The following BMPR1B variants were observed in gnomAD, a reference collection of about 807,000 sequenced individuals.
BMPR1B encodes the protein bone morphogenetic protein receptor type 1B.
Under a neutral mutation model 59.1 loss-of-function variants are expected in BMPR1B, and 12 were observed. That is an observed-to-expected ratio of 0.20 (90% CI 0.13 to 0.33). BMPR1B has a LOEUF of 0.33. Ranked by LOEUF, BMPR1B falls within the 10% of genes least tolerant of loss-of-function variation. The pLI is 1.00. For synonymous variants in BMPR1B, 237 were observed against 207.3 expected (o/e 1.14, Z -1.23); for missense variants, 550 against 610.9 (o/e 0.90, Z 1.05).
intron 1 of BMPR1B, among the ~76,000 whole-genome samples, chr4:94,798,755 A>G (rs1723286801): frequency 6.6e-6 from 1 of 152,062 alleles, no homozygotes; most frequent in Non-Finnish European, 1.5e-5. Context: ...GGAGAGATTG[A>G]GAGTTGCAGA....
intron 2 of BMPR1B, among the ~76,000 whole-genome samples, chr4:94,908,921 G>A (rs999313301): frequency 2.0e-5 from 3 of 152,024 alleles, no homozygotes; most frequent in African/African-American, 7.2e-5. Context: ...TAAAACAACA[G>A]AAAATAATTT....
intron 1 of BMPR1B, among the ~76,000 whole-genome samples, chr4:94,773,216 A>T (rs971635467): frequency 5.3e-5 from 8 of 152,148 alleles, no homozygotes; most frequent in Non-Finnish European, 1.2e-4. Flanking sequence ...GATCACTTAA[A>T]ATGGAATATT....
chr4:94,945,314 G>T (rs1729666844), intron 2 of BMPR1B, among the ~76,000 whole-genome samples: 2 of 152,052 alleles, frequency 1.3e-5, no homozygotes, highest in African/African-American at 4.8e-5. Flanking sequence ...GGTCCTTGAA[G>T]GTAAAAAATA....
intron 8 of BMPR1B, among the ~76,000 whole-genome samples, chr4:95,128,128 C>T (rs111935886): frequency 0.038 from 5,810 of 152,096 alleles, 164 homozygotes; most frequent in Middle Eastern, 0.099. Context: ...TCAAGGGATC[C>T]TCCCTCCACA....
chr4:95,150,300 T>C (rs183077858), intron 11 of BMPR1B, among the ~76,000 whole-genome samples: 224 of 152,308 alleles, frequency 1.5e-3, no homozygotes, highest in African/African-American at 5.2e-3. Context: ...ATTTAACAAA[T>C]TGTCTATGCC....
chr4:95,143,669 A>G (rs1001912415), intron 10 of BMPR1B, among the ~76,000 whole-genome samples: 3 of 152,322 alleles, frequency 2.0e-5, no homozygotes, highest in Admixed American at 6.5e-5. Flanking sequence ...TTGGTCAGAA[A>G]TATGAACTTG....
chr4:95,097,335 A>G (rs1730504542), intron 3 of BMPR1B, among the ~76,000 whole-genome samples: 1 of 151,556 alleles, frequency 6.6e-6, no homozygotes, highest in Non-Finnish European at 1.5e-5. Flanking sequence ...TTGATATAGT[A>G]TTTATTCCTG....
intron 3 of BMPR1B, among the ~76,000 whole-genome samples, chr4:95,035,391 C>T (rs1725168340): frequency 6.6e-6 from 1 of 152,024 alleles, no homozygotes; most frequent in Non-Finnish European, 1.5e-5. Context: ...ATGTTATATT[C>T]TAGAATTTTT....
At chr4:95,049,439 T>TGCCG (rs1726287002) in intron 3 of BMPR1B, among the ~76,000 whole-genome samples, 1 of 18,808 alleles carries the variant, frequency 5.3e-5, no homozygotes, top group Non-Finnish European at 1.6e-4. Flanking sequence ...TTTTTTTTTT[T>TGCCG]TTTTTTTTTT....
chr4:94,982,155 T>C (rs933148760), intron 2 of BMPR1B, among the ~76,000 whole-genome samples: 1 of 152,202 alleles, frequency 6.6e-6, no homozygotes, highest in Non-Finnish European at 1.5e-5. Flanking sequence ...ATGGATTTAA[T>C]TGTGTTGGGT....
chr4:94,843,637 T>C (rs1725188156), intron 1 of BMPR1B, among the ~76,000 whole-genome samples: 1 of 151,634 alleles, frequency 6.6e-6, no homozygotes, highest in Non-Finnish European at 1.5e-5. Flanking sequence ...TTGGTTATTA[T>C]TGTATGTGTT....
At chr4:94,817,515 CT>C (rs1005006223) in intron 1 of BMPR1B, among the ~76,000 whole-genome samples, 18 of 148,918 alleles carry the variant, frequency 1.2e-4, no homozygotes, top group Admixed American at 2.7e-4. Context: ...TTAGAGCCTC[CT>C]TTTTTTTTTC....
At position 95,022,054 on chromosome 4, in the gene BMPR1B, C is replaced by T. The variant is rs566966965; in HGVS notation, c.-18+25920C>T. On this transcript the variant is annotated intron_variant, in intron 3 of 12. Transcript: ENST00000515059. Reference sequence around the variant, plus strand: ...TTTGGGAGAGAAGAAATAGGACGGGCGCAGTGGCTAGCAGAGCTGCAGAAG... The same window carrying T: ...TTTGGGAGAGAAGAAATAGGACGGGTGCAGTGGCTAGCAGAGCTGCAGAAG... 3.9e-5 allele frequency among the ~76,000 whole-genome samples: 6 copies of T among 152,088 alleles called. No homozygotes were observed. In the South Asian group the frequency reaches 6.2e-4, roughly 16 times the overall value.
intron 3 of BMPR1B, among the ~76,000 whole-genome samples, chr4:95,082,076 G>C (rs1179197974): frequency 2.0e-5 from 3 of 150,814 alleles, no homozygotes; most frequent in Admixed American, 2.0e-4. Context: ...CTGGTGTGCT[G>C]CACCCATTAA....
intron 3 of BMPR1B, among the ~76,000 whole-genome samples, chr4:95,044,947 C>A (rs1725931138): frequency 6.6e-6 from 1 of 151,402 alleles, no homozygotes; most frequent in African/African-American, 2.4e-5. Context: ...AATAATAAAA[C>A]CAAATACCAG....
At chr4:95,141,841 C>T (rs961042482) in intron 10 of BMPR1B, among the ~76,000 whole-genome samples, 11 of 152,188 alleles carry the variant, frequency 7.2e-5, no homozygotes, top group African/African-American at 2.7e-4. Context: ...GGCTGTCACA[C>T]TGATGTCCAG....
intron 2 of BMPR1B, among the ~76,000 whole-genome samples, chr4:94,895,407 T>A (rs116444817): frequency 1.1e-3 from 173 of 152,078 alleles, no homozygotes; most frequent in African/African-American, 3.8e-3. Flanking sequence ...GTCTTTTTTT[T>A]AACAAAACCT....
chr4:95,008,204 C>T (rs773949150), intron 3 of BMPR1B, among the ~76,000 whole-genome samples: 73 of 152,186 alleles, frequency 4.8e-4, no homozygotes, highest in Non-Finnish European at 2.9e-4. Flanking sequence ...TCATACTGTA[C>T]GGGGAAAAGT....
chr4:94,988,271 CTAT>C (rs1236905952), intron 2 of BMPR1B, among the ~76,000 whole-genome samples: 2 of 151,972 alleles, frequency 1.3e-5, no homozygotes, highest in African/African-American at 2.4e-5. Context: ...GGAAACCCAC[CTAT>C]TATTATTAAA....
Sources: allele counts gnomAD v4.1 joint callset (sites outside exome capture counted in the v4.1 genomes callset), GRCh38; gene constraint gnomAD v4.1.1; transcripts MANE v1.5; gene names NCBI Gene and HGNC (gene_info 2026-07-23, HGNC 2026-07-21).